Variants in CSMD2 observed in about 807,000 individuals in gnomAD.
The protein encoded by CSMD2 is CUB and Sushi multiple domains 2.
CSMD2 carries 130 observed loss-of-function variants against 398.5 expected under a neutral mutation model. That is an observed-to-expected ratio of 0.33 (90% CI 0.28 to 0.38). The LOEUF is 0.38. Among genes scored for constraint, CSMD2 ranks in the 10% least tolerant of loss-of-function variants. The pLI is 1.00. For missense variants in CSMD2, 3,829 were observed against 4,764.9 expected (o/e 0.80, Z 5.78); for synonymous variants, 1,828 against 1,908.5 (o/e 0.96, Z 1.10).
chr1:34,114,550 A>C (rs1235575796), intron 1 of CSMD2, among the ~76,000 whole-genome samples: 1 of 151,778 alleles, frequency 6.6e-6, no homozygotes, highest in Admixed American at 6.6e-5. Flanking sequence ...AATTTTTTTT[A>C]ATTAGCTGGG....
At chr1:34,089,570 C>T (rs1658318425) in intron 1 of CSMD2, among the ~76,000 whole-genome samples, 1 of 152,166 alleles carries the variant, frequency 6.6e-6, no homozygotes, top group Non-Finnish European at 1.5e-5. Context: ...CTGCAACCTC[C>T]TGGCTCTCAG....
intron 5 of CSMD2, among the ~76,000 whole-genome samples, chr1:33,896,611 G>A (rs10914807): frequency 0.78 from 118,848 of 151,990 alleles, 46,821 homozygotes; most frequent in South Asian, 0.92. Context: ...GGAGCAACAG[G>A]GCTTTCAGGA....
chr1:33,556,997 G>A (rs1435853750), intron 55 of CSMD2, among the ~76,000 whole-genome samples: 5 of 152,256 alleles, frequency 3.3e-5, no homozygotes, highest in East Asian at 3.9e-4. Context: ...TTATAGCAGT[G>A]GGAGAACAGA....
chr1:33,821,039 G>T (rs1247423373), intron 7 of CSMD2, among the ~76,000 whole-genome samples: 1 of 152,210 alleles, frequency 6.6e-6, no homozygotes, highest in East Asian at 1.9e-4. Flanking sequence ...GTAAGAGAAA[G>T]CTGCAGTCAA....
At chr1:34,065,752 T>C (rs1655041702) in intron 2 of CSMD2, among the ~76,000 whole-genome samples, 1 of 152,226 alleles carries the variant, frequency 6.6e-6, no homozygotes, top group South Asian at 2.1e-4. Context: ...ATTCCTATTA[T>C]CATTATTGCC....
At chr1:33,841,994 C>T (rs1018201186) in intron 6 of CSMD2, among the ~76,000 whole-genome samples, 1 of 152,132 alleles carries the variant, frequency 6.6e-6, no homozygotes, top group Non-Finnish European at 1.5e-5. Flanking sequence ...AGCTACAGAC[C>T]CACAGAATAG....
chr1:33,864,230 CTCT>C lies in CSMD2; in HGVS notation c.921-17237_921-17235del, dbSNP rs768080046. On this transcript the variant is annotated intron_variant, in intron 5 of 70. Transcript: ENST00000373381. ...TCCAGCTAAAGCCTAAGGCAAATGTCTCTTCTTACGTTCACTTTTTGCTGAATT... is the reference window on the plus strand; with the variant it reads ...TCCAGCTAAAGCCTAAGGCAAATGTCTCTTACGTTCACTTTTTGCTGAATT... 17 of 1,610,850 alleles carry C rather than the reference CTCT, an allele frequency of 1.1e-5. 1 individual carries two copies. The Admixed American group carries it at 2.9e-4, about 27-fold the overall frequency.
intron 5 of CSMD2, among the ~76,000 whole-genome samples, chr1:33,890,468 G>A (rs1435643299): frequency 6.6e-6 from 1 of 152,108 alleles, no homozygotes; most frequent in Non-Finnish European, 1.5e-5. Context: ...CTGACCTTGT[G>A]ATCTGCCTGC....
intron 15 of CSMD2, among the ~76,000 whole-genome samples, chr1:33,735,839 A>G (rs993124308): frequency 3.9e-5 from 6 of 152,218 alleles, no homozygotes; most frequent in African/African-American, 1.4e-4. Flanking sequence ...AAACTAGAAA[A>G]AAAACGGAAA....
intron 1 of CSMD2, among the ~76,000 whole-genome samples, chr1:34,150,094 T>A (rs1328551605): frequency 6.7e-6 from 1 of 149,034 alleles, no homozygotes; most frequent in African/African-American, 2.5e-5. Context: ...TTTTTTGTTT[T>A]TTTTTGAGAC....
intron 3 of CSMD2, among the ~76,000 whole-genome samples, chr1:33,974,196 A>G (rs1422248988): frequency 6.6e-6 from 1 of 152,234 alleles, no homozygotes; most frequent in Non-Finnish European, 1.5e-5. Flanking sequence ...CGGTATATCA[A>G]AGGCTCAAAT....
At chr1:34,152,555 C>T (rs1449136227) in intron 1 of CSMD2, among the ~76,000 whole-genome samples, 1 of 152,184 alleles carries the variant, frequency 6.6e-6, no homozygotes, top group Non-Finnish European at 1.5e-5. Flanking sequence ...ACCAGGAGCC[C>T]ATGCAGATGA....
intron 3 of CSMD2, 114 bp downstream of exon 3, chr1:34,032,480 C>G (rs185337653): frequency 3.1e-6 from 2 of 637,632 alleles, no homozygotes; most frequent in Admixed American, 3.7e-5. Context: ...TCAGGACAGG[C>G]GCAAGCTCTG....
At chr1:33,822,567 C>G (rs1053205773) in intron 7 of CSMD2, among the ~76,000 whole-genome samples, 2 of 152,168 alleles carry the variant, frequency 1.3e-5, no homozygotes, top group African/African-American at 4.8e-5. Context: ...ACGCCCATCC[C>G]CTTCCTTGCC....
chr1:34,004,037 T>A (rs1365906818), intron 3 of CSMD2, among the ~76,000 whole-genome samples: 1 of 152,090 alleles, frequency 6.6e-6, no homozygotes, highest in Non-Finnish European at 1.5e-5. Context: ...TGACACCCCA[T>A]CCCTTAGTCC....
chr1:33,956,182 A>C (rs1369961040), intron 3 of CSMD2, among the ~76,000 whole-genome samples: 1 of 151,636 alleles, frequency 6.6e-6, no homozygotes. Context: ...CACATTGTGC[A>C]CATGTACCCT....
intron 5 of CSMD2, among the ~76,000 whole-genome samples, chr1:33,899,404 G>T (rs878994915): frequency 6.6e-6 from 1 of 152,218 alleles, no homozygotes; most frequent in South Asian, 2.1e-4. Context: ...AAGAGCAGAG[G>T]TTGGGAGGCA....
At chr1:33,925,178 T>G (rs1013246046) in intron 4 of CSMD2, among the ~76,000 whole-genome samples, 1 of 152,168 alleles carries the variant, frequency 6.6e-6, no homozygotes, top group Non-Finnish European at 1.5e-5. Flanking sequence ...GTTTTATAGT[T>G]TGGGGTCTTA....
intron 25 of CSMD2, among the ~76,000 whole-genome samples, chr1:33,672,255 C>T (rs1234461081): frequency 1.3e-5 from 2 of 152,188 alleles, no homozygotes; most frequent in Non-Finnish European, 2.9e-5. Context: ...CCTGGAAAAT[C>T]GGGTCACTCC....
Sources: allele counts gnomAD v4.1 joint callset (sites outside exome capture counted in the v4.1 genomes callset), GRCh38; gene constraint gnomAD v4.1.1; transcripts MANE v1.5; gene names NCBI Gene and HGNC (gene_info 2026-07-23, HGNC 2026-07-21).